The following OBI1 variants were observed in gnomAD, a reference collection of about 807,000 sequenced individuals.
The protein encoded by OBI1 is ORC ubiquitin ligase 1, also known as ring finger protein 219.
Under a neutral mutation model 62.4 loss-of-function variants are expected in OBI1, and 59 were observed. The ratio of observed to expected loss-of-function variants is 0.95; its 90% CI spans 0.77 to 1.17. OBI1 has a LOEUF of 1.17. OBI1 is among the 50% of genes most tolerant of loss of function. The probability of loss-of-function intolerance (pLI) is 0.00; values close to 1 mark genes in which losing one functional copy is unlikely to be tolerated. For missense variants in OBI1, 875 were observed against 830.9 expected (o/e 1.05, Z -0.65); for synonymous variants, 302 against 292.8 (o/e 1.03, Z -0.32).
At chr13:78,646,422 G>A (rs549151196) in intron 1 of OBI1, among the ~76,000 whole-genome samples, 3 of 151,954 alleles carry the variant, frequency 2.0e-5, no homozygotes, top group Admixed American at 2.0e-4. Context: ...GTTGTCAGAA[G>A]GAAATAATGA....
At chr13:78,658,619 C>T (rs1483789899) in intron 1 of OBI1, among the ~76,000 whole-genome samples, 2 of 152,194 alleles carry the variant, frequency 1.3e-5, no homozygotes, top group Non-Finnish European at 2.9e-5. Flanking sequence ...AGGATGAACA[C>T]TAGTTACAGA....
Position 78,616,830 on chromosome 13 carries a change from GAGA to G in OBI1, c.928_930del (p.Ser310del), listed in dbSNP as rs1875314617. 1 of 1,614,212 alleles carries G rather than the reference GAGA, an allele frequency of 6.2e-7. No homozygotes were observed. Among genetic ancestry groups the G allele is most frequent in the East Asian group, 2.2e-5 (1 of 44,880 alleles). On this transcript the variant is annotated inframe_deletion, in exon 6 of 6. Coordinates refer to ENST00000282003, the MANE Select transcript of OBI1 (RefSeq NM_024546.4). ...CTGCTGCTGGAAGGCTTCGCTAGGTGAGAAGAACTGGAGGTGGATGAGCCAGGC... is the reference window on the plus strand; with the variant it reads ...CTGCTGCTGGAAGGCTTCGCTAGGTGAGAACTGGAGGTGGATGAGCCAGGC...
In OBI1 at chr13:78,614,719, T is replaced by A. The variant is rs887021526; in HGVS notation, c.*861A>T. ...GATCAAGAACTTGGCGATGAGCTCT[T>A]TCAAACCTGTTACATCTGGAACAAT... On this transcript the variant is annotated 3_prime_UTR_variant, in exon 6 of 6. Coordinates refer to ENST00000282003, the MANE Select transcript of OBI1 (RefSeq NM_024546.4). The A allele has an allele frequency of 5.9e-5, 9 of 152,316 alleles. No individual in the cohort carries two copies. The East Asian group carries it at 1.7e-3, about 29-fold the overall frequency. The allele number at this position is 152,316 out of a possible 1,614,324, so 9.4% of individuals were successfully genotyped here.
chr13:78,645,011 A>C lies in OBI1; in HGVS notation c.73-14T>G, dbSNP rs1240245644. 1.9e-6 allele frequency: 3 copies of C among 1,604,546 alleles called. No individual in the cohort carries two copies. On this transcript the variant is annotated splice_polypyrimidine_tract_variant and intron_variant, in intron 1 of 5. Coordinates refer to ENST00000282003, the MANE Select transcript of OBI1 (RefSeq NM_024546.4). ...AGGCTGACGTACCTTTGAAAAAAGA[A>C]ATCACTTTTAGTACAGGACAACGGT...
At chr13:78,626,047 A>C (rs1875656072) in intron 5 of OBI1, among the ~76,000 whole-genome samples, 1 of 152,230 alleles carries the variant, frequency 6.6e-6, no homozygotes, top group African/African-American at 2.4e-5. Flanking sequence ...CAGAGTCAGC[A>C]TGGAGACAGG....
At chr13:78,622,656 T>C (rs933988926) in intron 5 of OBI1, among the ~76,000 whole-genome samples, 1 of 152,184 alleles carries the variant, frequency 6.6e-6, no homozygotes, top group Admixed American at 6.5e-5. Context: ...CTTTCTTAAT[T>C]ATATCTCCCA....
chr13:78,656,944 C>A (rs1475190519), intron 1 of OBI1, among the ~76,000 whole-genome samples: 1 of 151,798 alleles, frequency 6.6e-6, no homozygotes. Flanking sequence ...TGCCACCACA[C>A]CCAGCAAATT....
Position 78,620,532 on chromosome 13 carries a change from A to C in OBI1, c.639-3410T>G, listed in dbSNP as rs1268547952. On this transcript the variant is annotated intron_variant, in intron 5 of 5. Coordinates refer to ENST00000282003, the MANE Select transcript of OBI1 (RefSeq NM_024546.4). ...GAGCAGTTTGGGAGCTACAATTGATATCGGAACTGTATTCTGCCAGAATCT... is the reference window on the plus strand; with the variant it reads ...GAGCAGTTTGGGAGCTACAATTGATCTCGGAACTGTATTCTGCCAGAATCT... The C allele has an allele frequency of 2.2e-5, 10 of 444,550 alleles. No homozygotes were observed. In the Admixed American group the frequency reaches 2.4e-4, roughly 11 times the overall value. The allele number at this position is 444,550 out of a possible 1,614,324, so 27.5% of individuals were successfully genotyped here. A position where few individuals can be genotyped will look rare whatever the true frequency, so the allele number is the denominator to read the frequency against.
In OBI1 at chr13:78,642,295, A is replaced by G. The variant is rs534418159; in HGVS notation, c.209-82T>C. On this transcript the variant is annotated intron_variant, in intron 2 of 5. Transcript: ENST00000282003. ...ATGATCCTTTTTCATATTGTTTTAT[A>G]TAGCTTCCCAGCTTCACATCTACCC... The G allele has an allele frequency of 3.4e-3, 2,988 of 877,572 alleles. 15 individuals are homozygous for G. Among genetic ancestry groups the G allele is most frequent in the Admixed American group, 3.5e-3 (181 of 52,080 alleles). 54.4% of individuals were successfully genotyped at this position (877,572 alleles called of 1,614,324 possible).
intron 5 of OBI1, among the ~76,000 whole-genome samples, chr13:78,625,410 C>T (rs534134303): frequency 1.4e-3 from 209 of 152,126 alleles, no homozygotes; most frequent in Non-Finnish European, 2.3e-3. Context: ...TAAAAGAAAA[C>T]GAAACACAAC....
At chr13:78,644,697 G>T (rs1314378535) in intron 2 of OBI1, among the ~76,000 whole-genome samples, 165 bp downstream of exon 2, 1 of 151,902 alleles carries the variant, frequency 6.6e-6, no homozygotes, top group African/African-American at 2.4e-5. Context: ...AGTGCCTTGT[G>T]CCCCAGTTGC....
chr13:78,619,337 T>A (rs1221252047), intron 5 of OBI1, among the ~76,000 whole-genome samples: 1 of 151,858 alleles, frequency 6.6e-6, no homozygotes, highest in Non-Finnish European at 1.5e-5. Context: ...ATATTTTTTT[T>A]TTTTAGAAAT....
intron 1 of OBI1, among the ~76,000 whole-genome samples, chr13:78,657,496 C>T (rs866795372): frequency 2.6e-5 from 4 of 152,086 alleles, no homozygotes; most frequent in Admixed American, 1.3e-4. Context: ...GAAAAACCAG[C>T]CCTATCTTAA....
Position 78,615,506 on chromosome 13 carries a change from G to A in OBI1, c.*74C>T. On this transcript the variant is annotated 3_prime_UTR_variant, in exon 6 of 6. Transcript: ENST00000282003. Reference sequence around the variant, plus strand: ...ATTCCAATTTGTATAGAACTTTTATGAGGAAAAAAGGTAACTTTAACAACT... The same window carrying A: ...ATTCCAATTTGTATAGAACTTTTATAAGGAAAAAAGGTAACTTTAACAACT... The A allele has an allele frequency of 1.8e-6, 2 of 1,110,198 alleles. No individual in the cohort carries two copies. The highest frequency in any genetic ancestry group is 2.1e-4 in the Middle Eastern group (1 of 4,838). 68.8% of individuals were successfully genotyped at this position (1,110,198 alleles called of 1,614,324 possible).
intron 1 of OBI1, among the ~76,000 whole-genome samples, chr13:78,652,324 T>C (rs1876566427): frequency 6.6e-6 from 1 of 151,582 alleles, no homozygotes; most frequent in Admixed American, 6.6e-5. Flanking sequence ...CTAGCACCCA[T>C]CCTCTTCTAC....
In OBI1 at chr13:78,623,602, C is replaced by T. The variant is rs17759926; in HGVS notation, c.639-6480G>A. On this transcript the variant is annotated intron_variant, in intron 5 of 5. Coordinates refer to ENST00000282003, the MANE Select transcript of OBI1 (RefSeq NM_024546.4). ...TGAACCCATACACCATGTTTGAAAT[C>T]GTATTAAATACTTGAACATAAGGCC... 6.7e-3 allele frequency among the ~76,000 whole-genome samples: 1,018 copies of T among 152,258 alleles called. 9 individuals carry two copies. Among genetic ancestry groups the T allele is most frequent in the Middle Eastern group, 0.014 (4 of 294 alleles).
chr13:78,655,605 C>T (rs1450054410), intron 1 of OBI1, among the ~76,000 whole-genome samples: 1 of 152,316 alleles, frequency 6.6e-6, no homozygotes, highest in East Asian at 1.9e-4. Context: ...TCCCCACTGG[C>T]ATCTATCTCT....
intron 5 of OBI1, among the ~76,000 whole-genome samples, chr13:78,634,627 T>C (rs1875965584): frequency 6.6e-6 from 1 of 152,164 alleles, no homozygotes; most frequent in African/African-American, 2.4e-5. Flanking sequence ...CTTCCACTTG[T>C]GAAGATTTAG....
chr13:78,648,400 T>C (rs1270516204), intron 1 of OBI1, among the ~76,000 whole-genome samples: 3 of 151,380 alleles, frequency 2.0e-5, no homozygotes, highest in Non-Finnish European at 4.4e-5. Context: ...TCTACTGTTA[T>C]CTACTTTTAT....
Sources: gnomAD v4.1 joint callset for allele counts (sites outside exome capture counted in the v4.1 genomes callset) on GRCh38, gnomAD v4.1.1 for gene constraint, MANE v1.5 for transcripts, NCBI Gene and HGNC (gene_info 2026-07-23, HGNC 2026-07-21) for gene names.